Variants in COL13A1 observed in about 807,000 individuals in gnomAD.
COL13A1 encodes the protein collagen alpha-1(XIII) chain.
A neutral mutation model predicts 130.9 loss-of-function variants in COL13A1; 89 were observed. The observed-to-expected ratio is 0.68, with a 90% CI of 0.57 to 0.81. The LOEUF (loss-of-function observed/expected upper bound fraction) is 0.81. COL13A1 is among the 30% of genes least tolerant of loss of function. The pLI is 0.00. For synonymous variants in COL13A1, 402 were observed against 341.6 expected, an observed-to-expected ratio of 1.18 and a Z score of -1.95; for missense variants, 879 against 934.6, an observed-to-expected ratio of 0.94 and a Z score of 0.78.
At chr10:69,870,920 T>A (rs1211903403) in intron 3 of COL13A1, among the ~76,000 whole-genome samples, 1 of 151,696 alleles carries the variant, frequency 6.6e-6, no homozygotes, top group Non-Finnish European at 1.5e-5. Context: ...GAAGCACAGT[T>A]TTTCCTGAGA....
intron 38 of COL13A1, 61 bp downstream of exon 38, chr10:69,947,403 G>A: frequency 6.9e-7 from 1 of 1,451,902 alleles, no homozygotes; most frequent in African/African-American, 1.4e-5. Context: ...GGGGTGGAAT[G>A]ATCGATCGGT....
intron 2 of COL13A1, among the ~76,000 whole-genome samples, chr10:69,839,800 G>C (rs1359142609): frequency 6.6e-6 from 1 of 152,222 alleles, no homozygotes; most frequent in African/African-American, 2.4e-5. Flanking sequence ...AGAGAGCAGA[G>C]AGAGAGCTCA....
chr10:69,916,638 G>T (rs1235386370), intron 17 of COL13A1, among the ~76,000 whole-genome samples: 1 of 152,174 alleles, frequency 6.6e-6, no homozygotes, highest in Non-Finnish European at 1.5e-5. Context: ...TGCCACGATG[G>T]TAGAGCGACC....
chr10:69,837,466 G>A lies in COL13A1; in HGVS notation c.364+15028G>A, dbSNP rs564800570. ...TCCGGATTCATCTGTCCATTAGACA[G>A]CCTGTCCTTCCTGACAGGTGACACC... is the stretch of plus-strand genomic sequence containing the variant. On this transcript the variant is annotated intron_variant, in intron 2 of 40. Coordinates refer to ENST00000645393, the MANE Select transcript of COL13A1 (RefSeq NM_001368882.1). Among the ~76,000 whole-genome samples the A allele has an allele frequency of 7.9e-5, 12 of 152,346 alleles. No individual in the cohort carries two copies. In the East Asian group the frequency reaches 2.3e-3, roughly 29 times the overall value.
At position 69,949,340 on chromosome 10, in the gene COL13A1, G is replaced by A. The variant is rs561384679; in HGVS notation, c.2058+1998G>A. Among the ~76,000 whole-genome samples, 7 of 152,244 alleles carry A rather than the reference G, an allele frequency of 4.6e-5. No individual in the cohort carries two copies. The South Asian group carries it at 1.2e-3, about 27-fold the overall frequency. On this transcript the variant is annotated intron_variant, in intron 38 of 40. Coordinates refer to ENST00000645393, the MANE Select transcript of COL13A1 (RefSeq NM_001368882.1). Reference sequence around the variant, plus strand: ...TGGAACTACAGGCATGCGCCACCACGCCCGGCTAATTTTTTGTATTTTAGT... The same window carrying A: ...TGGAACTACAGGCATGCGCCACCACACCCGGCTAATTTTTTGTATTTTAGT...
intron 30 of COL13A1, 117 bp downstream of exon 30, chr10:69,930,669 G>A: frequency 8.2e-7 from 1 of 1,225,752 alleles, no homozygotes. Flanking sequence ...GAAACCTGGG[G>A]CCAGGGCTTA....
At chr10:69,883,419 T>C (rs1037444442) in intron 7 of COL13A1, among the ~76,000 whole-genome samples, 5 of 152,216 alleles carry the variant, frequency 3.3e-5, no homozygotes, top group Admixed American at 3.3e-4. Context: ...CCACACCAGG[T>C]AGACACACCT....
At chr10:69,872,561 C>A (rs1057462907) in intron 4 of COL13A1, among the ~76,000 whole-genome samples, 14 of 152,222 alleles carry the variant, frequency 9.2e-5, no homozygotes, top group Admixed American at 1.3e-4. Context: ...ACTGACTATC[C>A]CCCTGCATAC....
At chr10:69,810,228 G>A (rs1335830047) in intron 1 of COL13A1, among the ~76,000 whole-genome samples, 1 of 152,062 alleles carries the variant, frequency 6.6e-6, no homozygotes, top group South Asian at 2.1e-4. Context: ...TTCAAAACAC[G>A]CCAGGCCAAT....
chr10:69,849,757 T>C (rs1434694816), intron 2 of COL13A1, among the ~76,000 whole-genome samples: 1 of 152,198 alleles, frequency 6.6e-6, no homozygotes, highest in East Asian at 1.9e-4. Flanking sequence ...ACAGGTGTTT[T>C]TTCTCATCTG....
At chr10:69,905,939 A>G (rs1178038756) in intron 17 of COL13A1, 117 bp downstream of exon 17, 1 of 1,137,824 alleles carries the variant, frequency 8.8e-7, no homozygotes, top group Non-Finnish European at 1.2e-6. Flanking sequence ...GCCTGTAGTG[A>G]GGCAGGCCAG....
At chr10:69,822,692 T>C (rs185699302) in intron 2 of COL13A1, among the ~76,000 whole-genome samples, 6 of 152,316 alleles carry the variant, frequency 3.9e-5, no homozygotes, top group Non-Finnish European at 8.8e-5. Flanking sequence ...CAGGTTGTGG[T>C]GAAGTCGGAT....
At chr10:69,884,221 A>G (rs1260985469) in intron 7 of COL13A1, among the ~76,000 whole-genome samples, 1 of 152,202 alleles carries the variant, frequency 6.6e-6, no homozygotes, top group Non-Finnish European at 1.5e-5. Context: ...AGAGTGGACC[A>G]TGCACACCTC....
intron 25 of COL13A1, 28 bp from the exon 26 acceptor site, chr10:69,925,761 CTCCCGGTCCAGGCCG>C: frequency 6.6e-7 from 1 of 1,515,746 alleles, no homozygotes; most frequent in Non-Finnish European, 9.0e-7. Flanking sequence ...CCTCCCGGCC[CTCCCGGTCCAGGCCG>C]TGGGTTGAGA....
chr10:69,898,846 C>A (rs2061918717), intron 14 of COL13A1, 84 bp downstream of exon 14: 1 of 1,053,502 alleles, frequency 9.5e-7, no homozygotes, highest in Non-Finnish European at 1.4e-6. Context: ...AAAGCCAGAA[C>A]CTCTCTCTAA....
chr10:69,886,946 TG>T (rs2060649499), intron 7 of COL13A1, among the ~76,000 whole-genome samples: 1 of 152,198 alleles, frequency 6.6e-6, no homozygotes, highest in African/African-American at 2.4e-5. Context: ...AGAAGCCTGC[TG>T]GCTAGAGTGA....
intron 10 of COL13A1, among the ~76,000 whole-genome samples, chr10:69,891,638 C>T (rs546851065): frequency 6.6e-6 from 1 of 152,342 alleles, no homozygotes; most frequent in East Asian, 1.9e-4. Context: ...CAGGAAGAAA[C>T]TGCCATGCCA....
At chr10:69,839,174 A>ATTCG (rs1850903819) in intron 2 of COL13A1, among the ~76,000 whole-genome samples, 1 of 152,186 alleles carries the variant, frequency 6.6e-6, no homozygotes, top group African/African-American at 2.4e-5. Flanking sequence ...CCATTCATTC[A>ATTCG]TTCATTCGTT....
rs2064291981 is a variant in COL13A1, at chr10:69,919,106, A to C, written c.1026+18A>C. On this transcript the variant is annotated intron_variant, in intron 20 of 40. Transcript: ENST00000645393. The stretch of plus-strand genomic sequence containing the variant: ...GAACCAAGGTACTGATGCAGAGAGA[A>C]TGTTCCGGGCTGCACAGAGCATCGG... 1 of 1,613,834 alleles carries C rather than the reference A, an allele frequency of 6.2e-7. No individual in the cohort carries two copies. The highest frequency in any genetic ancestry group is 2.2e-5 in the East Asian group (1 of 44,904).
Sources: allele counts gnomAD v4.1 joint callset (sites outside exome capture counted in the v4.1 genomes callset), GRCh38; gene constraint gnomAD v4.1.1; transcripts MANE v1.5; gene names NCBI Gene and HGNC (gene_info 2026-07-23, HGNC 2026-07-21).